The following ARHGAP20 variants were observed in gnomAD, a reference collection of about 807,000 sequenced individuals.
The protein encoded by ARHGAP20 is Rho GTPase activating protein 20, also known as rho GTPase-activating protein 20.
Under a neutral mutation model 73.7 loss-of-function variants are expected in ARHGAP20, and 34 were observed. The observed-to-expected ratio is 0.46, with a 90% confidence interval of 0.35 to 0.61. ARHGAP20 has a LOEUF of 0.61. ARHGAP20 is among the 20% of genes least tolerant of loss of function. The probability of loss-of-function intolerance (pLI) is 0.00; values close to 1 mark genes in which losing one functional copy is unlikely to be tolerated. For synonymous variants in ARHGAP20, 523 were observed against 518.2 expected (o/e 1.01, Z -0.13); for missense variants, 1,314 against 1,420.9 (o/e 0.92, Z 1.21).
chr11:110,598,928 T>C (rs1292646215), intron 9 of ARHGAP20, among the ~76,000 whole-genome samples: 2 of 151,984 alleles, frequency 1.3e-5, no homozygotes, highest in Non-Finnish European at 2.9e-5. Context: ...ATCTGAGTTG[T>C]GGTTGCAGGC....
At position 110,623,246 on chromosome 11, in the gene ARHGAP20, C is replaced by T. The variant is rs559018728; in HGVS notation, c.503+916G>A. ...AAGTTGTCTGGCTTTATGATGATGT[C>T]CTAGGAGTTTTGTGGTGGCAAGAAG... On this transcript the variant is annotated intron_variant, in intron 4 of 14. Coordinates refer to ENST00000683387, the MANE Select transcript of ARHGAP20 (RefSeq NM_001384657.1). Among the ~76,000 whole-genome samples, 5 of 152,158 alleles carry T rather than the reference C, an allele frequency of 3.3e-5. No individual in the cohort carries two copies. In the South Asian group the frequency reaches 1.0e-3, roughly 32 times the overall value.
chr11:110,701,120 G>A (rs1365851314), intron 1 of ARHGAP20, among the ~76,000 whole-genome samples: 1 of 151,772 alleles, frequency 6.6e-6, no homozygotes, highest in Admixed American at 6.5e-5. Flanking sequence ...TGGGATGGCT[G>A]GGTCAAATGG....
At chr11:110,630,910 C>T in intron 2 of ARHGAP20, 118 bp from the exon 3 acceptor site, 1 of 948,258 alleles carries the variant, frequency 1.1e-6, no homozygotes, top group East Asian at 2.5e-5. Context: ...GGTCATGAGT[C>T]TATTCACCAC....
intron 2 of ARHGAP20, among the ~76,000 whole-genome samples, chr11:110,632,346 T>A (rs897172092): frequency 6.6e-6 from 1 of 152,138 alleles, no homozygotes; most frequent in Non-Finnish European, 1.5e-5. Flanking sequence ...TAACATTTGG[T>A]GTTATCAATC....
Position 110,712,408 on chromosome 11 carries a change from C to T in ARHGAP20, c.-177G>A. 3.0e-6 allele frequency: 1 copy of T among 333,476 alleles called. No individual in the cohort carries two copies. The highest frequency in any genetic ancestry group is 5.2e-6 in the Non-Finnish European group (1 of 190,554). The allele number at this position is 333,476 out of a possible 1,614,324, so 20.7% of individuals were successfully genotyped here. A position where few individuals can be genotyped will look rare whatever the true frequency, so the allele number is the denominator to read the frequency against. The stretch of plus-strand genomic sequence containing the variant: ...CGTCGGGGCCATGTACCTCCGCCTG[C>T]GCTCGACACCGCGGGCTGGAGGCGA... On this transcript the variant is annotated 5_prime_UTR_variant, in exon 1 of 15. Transcript: ENST00000683387.
At chr11:110,673,204 A>G (rs1949864281) in intron 2 of ARHGAP20, among the ~76,000 whole-genome samples, 1 of 151,572 alleles carries the variant, frequency 6.6e-6, no homozygotes. Context: ...CTAACAATAT[A>G]TGTTCAAAAC....
At chr11:110,674,437 G>T (rs182023775) in intron 2 of ARHGAP20, among the ~76,000 whole-genome samples, 1 of 152,050 alleles carries the variant, frequency 6.6e-6, no homozygotes, top group Admixed American at 6.6e-5. Context: ...CAATTTGAGC[G>T]CCTACACGAT....
chr11:110,648,194 T>TATATATATGTAA (rs1949250341), intron 2 of ARHGAP20, among the ~76,000 whole-genome samples: 1 of 84,574 alleles, frequency 1.2e-5, no homozygotes, highest in Non-Finnish European at 2.3e-5. Flanking sequence ...TATATGTAAA[T>TATATATATGTAA]ATATATATAT....
chr11:110,592,964 G>GTTAATAAATATAATGTC (rs1947865507), intron 9 of ARHGAP20, among the ~76,000 whole-genome samples: 1 of 152,132 alleles, frequency 6.6e-6, no homozygotes, highest in Admixed American at 6.5e-5. Flanking sequence ...AAGCAAGTAT[G>GTTAATAAATATAATGTC]TTAATAAATA....
chr11:110,659,667 A>G (rs1039030249), intron 2 of ARHGAP20, among the ~76,000 whole-genome samples: 8 of 152,184 alleles, frequency 5.3e-5, no homozygotes, highest in Admixed American at 3.3e-4. Flanking sequence ...ATGTCCAACA[A>G]TGATAGACTG....
intron 2 of ARHGAP20, among the ~76,000 whole-genome samples, chr11:110,676,817 GT>G (rs11419580): frequency 2.3e-4 from 35 of 149,686 alleles, no homozygotes; most frequent in South Asian, 8.5e-4. Flanking sequence ...CCTCAAATAA[GT>G]TTTTTTTTTA....
chr11:110,620,379 C>A (rs1948603200), intron 4 of ARHGAP20, among the ~76,000 whole-genome samples: 1 of 152,048 alleles, frequency 6.6e-6, no homozygotes. Flanking sequence ...TCAAACTCCC[C>A]CCCTCAAGTG....
At chr11:110,600,140 C>T (rs965868509) in intron 9 of ARHGAP20, among the ~76,000 whole-genome samples, 10 of 152,218 alleles carry the variant, frequency 6.6e-5, no homozygotes, top group South Asian at 2.1e-4. Context: ...ACTTCAGATC[C>T]GCTGAATGGT....
chr11:110,649,602 A>C (rs1033146759), intron 2 of ARHGAP20, among the ~76,000 whole-genome samples: 3 of 152,080 alleles, frequency 2.0e-5, no homozygotes, highest in Non-Finnish European at 4.4e-5. Context: ...GCAGGAAGGA[A>C]GACATCAGAA....
chr11:110,702,106 C>T (rs1383216872), intron 1 of ARHGAP20, among the ~76,000 whole-genome samples: 2 of 152,036 alleles, frequency 1.3e-5, no homozygotes, highest in East Asian at 1.9e-4. Flanking sequence ...AGACCAATAT[C>T]CTTGATGAAC....
At chr11:110,642,638 C>T (rs1361533030) in intron 2 of ARHGAP20, among the ~76,000 whole-genome samples, 1 of 152,082 alleles carries the variant, frequency 6.6e-6, no homozygotes, top group Non-Finnish European at 1.5e-5. Context: ...ATAAAGTCTA[C>T]TTGGTTGTGG....
rs55928762 is a variant in ARHGAP20, at chr11:110,577,485, A to G, written c.*1885T>C. ...CCTGCTAACATGAAAAAAAAAAAAAAGGCAATTTCTTCCAGAAAGACACTC... is the reference window on the plus strand; with the variant it reads ...CCTGCTAACATGAAAAAAAAAAAAAGGGCAATTTCTTCCAGAAAGACACTC... On this transcript the variant is annotated 3_prime_UTR_variant, in exon 15 of 15. Transcript: ENST00000683387. 4.0e-6 allele frequency: 4 copies of G among 987,818 alleles called. No homozygotes were observed. Among genetic ancestry groups the G allele is most frequent in the Non-Finnish European group, 4.8e-6 (4 of 829,964 alleles). The allele number at this position is 987,818 out of a possible 1,614,324, so 61.2% of individuals were successfully genotyped here.
At chr11:110,679,329 C>G (rs1177846021) in intron 2 of ARHGAP20, among the ~76,000 whole-genome samples, 1 of 152,162 alleles carries the variant, frequency 6.6e-6, no homozygotes, top group Middle Eastern at 3.2e-3. Flanking sequence ...CACAGAGCAA[C>G]TCTGATACAG....
intron 12 of ARHGAP20, among the ~76,000 whole-genome samples, chr11:110,584,042 G>T (rs996230899): frequency 1.3e-5 from 2 of 151,914 alleles, no homozygotes; most frequent in African/African-American, 2.4e-5. Context: ...CTAGCATAAT[G>T]CAAACTTAGG....
Sources: allele counts gnomAD v4.1 joint callset (sites outside exome capture counted in the v4.1 genomes callset), GRCh38; gene constraint gnomAD v4.1.1; transcripts MANE v1.5; gene names NCBI Gene and HGNC (gene_info 2026-07-23, HGNC 2026-07-21).